NDUFAF2: variants seen among roughly 807,000 people sequenced by gnomAD.
NDUFAF2 encodes NADH dehydrogenase [ubiquinone] 1 alpha subcomplex assembly factor 2.
NDUFAF2 carries 13 observed loss-of-function variants against 22.8 expected under a neutral mutation model. That is an observed-to-expected ratio of 0.57 (90% CI 0.37 to 0.91). NDUFAF2 has a LOEUF of 0.91. Among genes scored for constraint, NDUFAF2 ranks in the 40% least tolerant of loss-of-function variants. The pLI is 0.01. For missense variants in NDUFAF2, 162 were observed against 195.2 expected (o/e 0.83, Z 1.01); for synonymous variants, 53 against 64.2 (o/e 0.83, Z 0.84).
intron 1 of NDUFAF2, among the ~76,000 whole-genome samples, chr5:60,986,745 A>G (rs942191412): frequency 6.6e-6 from 1 of 152,008 alleles, no homozygotes; most frequent in African/African-American, 2.4e-5. Flanking sequence ...CCTGGCCAAC[A>G]TAGTGAAACC....
At chr5:61,080,357 GCCA>G (rs1752427151) in intron 2 of NDUFAF2, among the ~76,000 whole-genome samples, 1 of 152,186 alleles carries the variant, frequency 6.6e-6, no homozygotes, top group Non-Finnish European at 1.5e-5. Flanking sequence ...ATAAAAAACT[GCCA>G]AGATATTTTT....
chr5:61,058,137 G>A (rs1193650242), intron 1 of NDUFAF2, among the ~76,000 whole-genome samples: 3 of 152,086 alleles, frequency 2.0e-5, no homozygotes. Context: ...TTTGGGTCTA[G>A]AAGTCAATCA....
chr5:60,950,070 A>G (rs972346002), intron 1 of NDUFAF2, among the ~76,000 whole-genome samples: 2 of 151,924 alleles, frequency 1.3e-5, no homozygotes, highest in Non-Finnish European at 1.5e-5. Flanking sequence ...TTTGCATTCT[A>G]TTTCCTTCTC....
chr5:61,112,213 C>G (rs930589959), intron 3 of NDUFAF2, among the ~76,000 whole-genome samples: 10 of 140,132 alleles, frequency 7.1e-5, no homozygotes, highest in African/African-American at 1.8e-4. Flanking sequence ...TTCTTTATCC[C>G]CCCCCCTTTT....
chr5:60,998,840 TTAAGG>T (rs1751260298), intron 1 of NDUFAF2, among the ~76,000 whole-genome samples: 1 of 152,000 alleles, frequency 6.6e-6, no homozygotes. Context: ...TAACTTGTTG[TTAAGG>T]TGAGATTTTT....
chr5:61,080,441 A>G (rs1298205171), intron 2 of NDUFAF2, among the ~76,000 whole-genome samples: 1 of 152,214 alleles, frequency 6.6e-6, no homozygotes, highest in African/African-American at 2.4e-5. Flanking sequence ...ATATTTTGCA[A>G]TGTGGCTTTA....
chr5:61,077,324 TAGG>T (rs1272068911), intron 2 of NDUFAF2, among the ~76,000 whole-genome samples: 1 of 151,222 alleles, frequency 6.6e-6, no homozygotes, highest in Non-Finnish European at 1.5e-5. Context: ...GCCAGAAACA[TAGG>T]AGAAAAAAAA....
At chr5:61,041,691 ATCTT>A (rs1751884814) in intron 1 of NDUFAF2, among the ~76,000 whole-genome samples, 3 of 152,180 alleles carry the variant, frequency 2.0e-5, no homozygotes, top group Admixed American at 2.0e-4. Context: ...TAATGGTTAA[ATCTT>A]TATGTGTCCA....
chr5:61,053,084 T>G (rs1752045781), intron 1 of NDUFAF2, among the ~76,000 whole-genome samples: 1 of 152,234 alleles, frequency 6.6e-6, no homozygotes, highest in South Asian at 2.1e-4. Context: ...GGTGCTCTTT[T>G]TCTTTCTGAC....
intron 1 of NDUFAF2, among the ~76,000 whole-genome samples, chr5:61,049,288 C>T (rs1751993622): frequency 6.6e-6 from 1 of 151,684 alleles, no homozygotes; most frequent in Non-Finnish European, 1.5e-5. Context: ...CTTTTTAAAT[C>T]ACAGGTAAAA....
chr5:61,118,772 G>A (rs188939391), intron 3 of NDUFAF2, among the ~76,000 whole-genome samples: 51 of 152,096 alleles, frequency 3.4e-4, no homozygotes, highest in Admixed American at 3.2e-3. Flanking sequence ...TGCAAAAAAC[G>A]AAGAAAAAAC....
At chr5:61,126,282 G>A (rs534128425) in intron 3 of NDUFAF2, among the ~76,000 whole-genome samples, 2 of 109,908 alleles carry the variant, frequency 1.8e-5, no homozygotes, top group African/African-American at 6.0e-5. Flanking sequence ...TAAAGTTTTT[G>A]TGACAGGTCC....
intron 3 of NDUFAF2, among the ~76,000 whole-genome samples, chr5:61,108,879 A>G (rs1752801205): frequency 6.6e-6 from 1 of 152,056 alleles, no homozygotes; most frequent in Non-Finnish European, 1.5e-5. Flanking sequence ...AGTGTAATTT[A>G]TGCCAGGTAT....
intron 1 of NDUFAF2, among the ~76,000 whole-genome samples, chr5:61,057,120 A>T (rs1752110272): frequency 6.6e-6 from 1 of 151,628 alleles, no homozygotes; most frequent in Admixed American, 6.6e-5. Context: ...TGCTTGCTTG[A>T]TGACAAGTGA....
rs1022817561 is a variant in NDUFAF2, at chr5:60,985,402, T to C, written c.127+40020T>C. ...TTTGTGTCTCTATCTCCTTCAGTTC[T>C]GCTCTGATCTTAGTTATTTCTTACC... On this transcript the variant is annotated intron_variant, in intron 1 of 3. Transcript: ENST00000296597. Among the ~76,000 whole-genome samples the C allele has an allele frequency of 3.9e-5, 6 of 152,208 alleles. 1 individual carries two copies. The highest frequency in any genetic ancestry group is 2.6e-4 in the Admixed American group (4 of 15,286).
chr5:61,079,359 T>C (rs971767464), intron 2 of NDUFAF2, among the ~76,000 whole-genome samples: 1 of 152,214 alleles, frequency 6.6e-6, no homozygotes, highest in Non-Finnish European at 1.5e-5. Flanking sequence ...GAATCAAGAC[T>C]TATGTTATAT....
At position 61,081,621 on chromosome 5, in the gene NDUFAF2, T is replaced by C. The variant is rs541226731; in HGVS notation, c.217+8407T>C. 3.3e-5 allele frequency among the ~76,000 whole-genome samples: 5 copies of C among 152,318 alleles called. No individual in the cohort carries two copies. In the East Asian group the frequency reaches 9.6e-4, roughly 29 times the overall value. The stretch of plus-strand genomic sequence containing the variant: ...TGAAGTTATCCCAAGTAACAGAGCA[T>C]GTAAAGATCAAATGCCCAGACAAAC... On this transcript the variant is annotated intron_variant, in intron 2 of 3. Coordinates refer to ENST00000296597, the MANE Select transcript of NDUFAF2 (RefSeq NM_174889.5).
chr5:61,018,126 A>G (rs1241679070), intron 1 of NDUFAF2, among the ~76,000 whole-genome samples: 4 of 152,190 alleles, frequency 2.6e-5, no homozygotes, highest in Non-Finnish European at 5.9e-5. Flanking sequence ...TTAGCTTACT[A>G]CATTTTACTG....
intron 1 of NDUFAF2, among the ~76,000 whole-genome samples, chr5:61,026,018 G>T (rs193052473): frequency 6.6e-6 from 1 of 152,112 alleles, no homozygotes; most frequent in East Asian, 1.9e-4. Context: ...ACTTGTTTGA[G>T]CCTTATGGGA....
Sources: allele counts gnomAD v4.1 joint callset (sites outside exome capture counted in the v4.1 genomes callset), GRCh38; gene constraint gnomAD v4.1.1; transcripts MANE v1.5; gene names NCBI Gene and HGNC (gene_info 2026-07-23, HGNC 2026-07-21).